Variants in PIEZO2 observed in about 807,000 individuals in gnomAD.
PIEZO2 encodes piezo type mechanosensitive ion channel component 2.
PIEZO2 carries 172 observed loss-of-function variants against 337.3 expected under a neutral mutation model. The ratio of observed to expected loss-of-function variants is 0.51; its 90% confidence interval spans 0.45 to 0.58. The LOEUF (loss-of-function observed/expected upper bound fraction) is 0.58, where lower values mean the gene tolerates loss of function less well. PIEZO2 is among the 20% of genes least tolerant of loss of function. The pLI is 0.00. For synonymous variants in PIEZO2, 1,251 were observed against 1,228.5 expected (o/e 1.02, Z -0.38); for missense variants, 3,028 against 3,391.3 (o/e 0.89, Z 2.66).
chr18:10,981,720 A>G (rs535951759), intron 2 of PIEZO2, among the ~76,000 whole-genome samples: 18 of 152,210 alleles, frequency 1.2e-4, no homozygotes, highest in African/African-American at 2.2e-4. Context: ...CCAACCATCA[A>G]TCTGGGTGGG....
chr18:10,744,125 A>G lies in PIEZO2; in HGVS notation c.4514+17T>C, dbSNP rs1208900992. On this transcript the variant is annotated intron_variant, in intron 31 of 55. Transcript: ENST00000674853. ...ATCAGAAGACGGAAGGAGGATGAGCATCAATAGCATCCTTACTGTCGCTTC... is the reference window on the plus strand; with the variant it reads ...ATCAGAAGACGGAAGGAGGATGAGCGTCAATAGCATCCTTACTGTCGCTTC... 6.7e-7 allele frequency: 1 copy of G among 1,503,712 alleles called. No individual in the cohort carries two copies. Among genetic ancestry groups the G allele is most frequent in the Non-Finnish European group, 9.0e-7 (1 of 1,116,650 alleles). The allele number at this position is 1,503,712 out of a possible 1,614,324, so 93.1% of individuals were successfully genotyped here. A position where few individuals can be genotyped will look rare whatever the true frequency, so the allele number is the denominator to read the frequency against.
chr18:10,759,725 A>G lies in PIEZO2; in HGVS notation c.3635T>C (p.Ile1212Thr). The G allele has an allele frequency of 1.3e-6, 2 of 1,537,324 alleles. No homozygotes were observed. Among genetic ancestry groups the G allele is most frequent in the African/African-American group, 1.4e-5 (1 of 73,174 alleles). The change falls in exon 25 of 56, where the codon ATC (isoleucine) becomes ACC (threonine). Residue 1212 changes from isoleucine to threonine, a missense_variant. Ile to Thr is a moderately conservative substitution (Grantham distance 89). Around this residue, in one of 5 missense-constraint regions of PIEZO2, gnomAD observed 1,925 missense variants for 2,051.9 expected, o/e 0.94. Coordinates refer to ENST00000674853, the MANE Select transcript of PIEZO2 (RefSeq NM_001378183.1). The surrounding 1 kb of genome is among the most constrained non-coding windows in gnomAD (Gnocchi z 5.5). Reference protein sequence around the residue: ...ITFQYFICIGIPPAPCRDYPW... With the variant: ...ITFQYFICIGTPPAPCRDYPW... ...CTCACCTCGGCAAGGAGCAGGTGGG[A>G]TGCCAATGCAGATGAAATACTGGAA... is the stretch of plus-strand genomic sequence containing the variant.
chr18:10,881,630 T>A (rs1273126074), intron 4 of PIEZO2, among the ~76,000 whole-genome samples: 1 of 152,192 alleles, frequency 6.6e-6, no homozygotes, highest in Admixed American at 6.5e-5. Flanking sequence ...TGGAAATTGG[T>A]ATAAATGCTG....
intron 5 of PIEZO2, among the ~76,000 whole-genome samples, chr18:10,860,409 C>T (rs540827932): frequency 5.1e-4 from 77 of 152,240 alleles, no homozygotes; most frequent in Non-Finnish European, 5.7e-4. Flanking sequence ...GTTCCCACCC[C>T]TTAGGATGCC....
intron 2 of PIEZO2, among the ~76,000 whole-genome samples, chr18:11,051,358 T>TGTGTGTGTGTGTGG (rs2037523831): frequency 6.6e-6 from 1 of 151,228 alleles, no homozygotes; most frequent in South Asian, 2.1e-4. Context: ...TGTGTGTGTG[T>TGTGTGTGTGTGTGG]GTGTGTGTGT....
At chr18:11,055,959 C>A (rs1158746970) in intron 2 of PIEZO2, among the ~76,000 whole-genome samples, 13 of 152,214 alleles carry the variant, frequency 8.5e-5, no homozygotes, top group Non-Finnish European at 1.9e-4. Context: ...GCTTCAAAGA[C>A]CTTCCGAGAT....
chr18:10,901,439 C>T (rs1208732578), intron 4 of PIEZO2, among the ~76,000 whole-genome samples: 1 of 150,202 alleles, frequency 6.7e-6, no homozygotes, highest in African/African-American at 2.5e-5. Context: ...CGCACACACA[C>T]ACACACACAC....
intron 47 of PIEZO2, among the ~76,000 whole-genome samples, chr18:10,691,930 T>TTC: frequency 6.6e-6 from 1 of 151,630 alleles, no homozygotes; most frequent in Non-Finnish European, 1.5e-5. Flanking sequence ...ACACCTGGAT[T>TTC]TGGTTCCAGT....
At position 11,131,700 on chromosome 18, in the gene PIEZO2, C is replaced by T. The variant is rs1273004111; in HGVS notation, c.64+16825G>A. Among the ~76,000 whole-genome samples, 10 of 152,130 alleles carry T rather than the reference C, an allele frequency of 6.6e-5. No individual in the cohort carries two copies. Among genetic ancestry groups the T allele is most frequent in the Non-Finnish European group, 1.5e-5 (1 of 68,026 alleles). On this transcript the variant is annotated intron_variant, in intron 1 of 55. Transcript: ENST00000674853. This position sits in a 1 kb window ranked among gnomAD's most constrained non-coding sequence, Gnocchi z 5.3. ...GATGGTCAGGGACTTGGAAAAAGCA[C>T]GATGGGAAAATTGGTGACAAAGAAA...
At chr18:10,761,264 CTTAT>C (rs764981437) in intron 23 of PIEZO2, among the ~76,000 whole-genome samples, 153 bp from the exon 24 acceptor site, 3 of 152,218 alleles carry the variant, frequency 2.0e-5, no homozygotes, top group Admixed American at 6.5e-5. Flanking sequence ...TTTTCTCTGT[CTTAT>C]TTATTGTGGC....
At chr18:10,974,693 C>T (rs116149960) in intron 3 of PIEZO2, among the ~76,000 whole-genome samples, 1 of 152,198 alleles carries the variant, frequency 6.6e-6, no homozygotes, top group Admixed American at 6.5e-5. Flanking sequence ...CTCATTTGCC[C>T]TCTAGAGCCC....
At chr18:10,884,389 C>A (rs2042512775) in intron 4 of PIEZO2, among the ~76,000 whole-genome samples, 2 of 152,126 alleles carry the variant, frequency 1.3e-5, no homozygotes, top group Non-Finnish European at 2.9e-5. Context: ...TGTGTGTTTG[C>A]TAGGGATATT....
At chr18:10,793,907 C>A (rs1235092132) in intron 13 of PIEZO2, among the ~76,000 whole-genome samples, 1 of 152,046 alleles carries the variant, frequency 6.6e-6, no homozygotes, top group East Asian at 1.9e-4. Context: ...GTTACGAAGA[C>A]CAAACTTTGC....
intron 15 of PIEZO2, 130 bp downstream of exon 15, chr18:10,788,949 C>T (rs182764944): frequency 1.6e-5 from 17 of 1,090,182 alleles, no homozygotes; most frequent in Admixed American, 9.3e-5. Flanking sequence ...TCTTGGGATA[C>T]GATGTTTGAA....
intron 4 of PIEZO2, among the ~76,000 whole-genome samples, chr18:10,880,671 T>A (rs1371647913): frequency 1.3e-5 from 2 of 151,844 alleles, no homozygotes; most frequent in Non-Finnish European, 2.9e-5. Flanking sequence ...CCCTAGTGGC[T>A]TCTGAAGTTC....
At chr18:10,762,421 T>G in intron 23 of PIEZO2, 79 bp downstream of exon 23, 2 of 1,467,602 alleles carry the variant, frequency 1.4e-6, no homozygotes, top group Non-Finnish European at 1.8e-6. Flanking sequence ...AAATGTGATG[T>G]TAAGCGTCTC....
Position 10,813,104 on chromosome 18 carries a change from G to C in PIEZO2, c.918-5830C>G, listed in dbSNP as rs1453130727. Among the ~76,000 whole-genome samples, 3 of 151,260 alleles carry C rather than the reference G, an allele frequency of 2.0e-5. No individual in the cohort carries two copies. In the East Asian group the frequency reaches 5.9e-4, roughly 30 times the overall value. On this transcript the variant is annotated intron_variant, in intron 7 of 55. Coordinates refer to ENST00000674853, the MANE Select transcript of PIEZO2 (RefSeq NM_001378183.1). This position sits in a 1 kb window ranked among gnomAD's most constrained non-coding sequence, Gnocchi z 4.2. The stretch of plus-strand genomic sequence containing the variant: ...AAGTGATTCTCCTGCCTCAGCCTCC[G>C]GAGTATCTAGGATTACAGGCACGCG...
At chr18:11,060,858 A>C (rs1303167553) in intron 2 of PIEZO2, among the ~76,000 whole-genome samples, 1 of 103,246 alleles carries the variant, frequency 9.7e-6, no homozygotes, top group Non-Finnish European at 2.0e-5. Flanking sequence ...TTCCTTCTGA[A>C]ACTATTCCAA....
rs1461860825 is a variant in PIEZO2, at chr18:10,707,819, CACTAAAAATGACTACCTATGAT to C, written c.5588+434_5588+455del. 8.5e-5 allele frequency among the ~76,000 whole-genome samples: 13 copies of C among 152,198 alleles called. No individual in the cohort carries two copies. The highest frequency in any genetic ancestry group is 1.9e-4 in the Non-Finnish European group (13 of 68,028). On this transcript the variant is annotated intron_variant, in intron 40 of 55. Transcript: ENST00000674853. The surrounding 1 kb of genome is among the most constrained non-coding windows in gnomAD (Gnocchi z 4.2). ...ATAACATGCAGACTTATTTAATATT[CACTAAAAATGACTACCTATGAT>C]AGATTTTTAGATTTTTTTCCTACTG...
Sources: allele counts gnomAD v4.1 joint callset (sites outside exome capture counted in the v4.1 genomes callset), GRCh38; gene constraint gnomAD v4.1.1; regional missense constraint gnomAD v4.1.1; non-coding constraint Gnocchi (gnomAD v3.1); transcripts MANE v1.5; gene names NCBI Gene and HGNC (gene_info 2026-07-23, HGNC 2026-07-21).